The following GRID1 variants were observed in gnomAD, a reference collection of about 807,000 sequenced individuals.
GRID1 encodes the protein glutamate receptor ionotropic, delta-1.
In GRID1, 28 loss-of-function variants were observed where a neutral mutation model predicts 98.0. The ratio of observed to expected loss-of-function variants is 0.29; its 90% confidence interval spans 0.21 to 0.39. The LOEUF (loss-of-function observed/expected upper bound fraction) is 0.39. Ranked by LOEUF, GRID1 falls within the 10% of genes least tolerant of loss-of-function variation. The pLI is 1.00. For synonymous variants in GRID1, 553 were observed against 538.5 expected (o/e 1.03, Z -0.37); for missense variants, 1,111 against 1,340.5 (o/e 0.83, Z 2.67).
intron 14 of GRID1, among the ~76,000 whole-genome samples, chr10:85,617,303 G>C (rs188073381): frequency 6.7e-6 from 1 of 150,026 alleles, no homozygotes; most frequent in African/African-American, 2.5e-5. Flanking sequence ...CATGATCTCA[G>C]CTCACTGCAA....
At chr10:86,084,459 T>C (rs980718350) in intron 4 of GRID1, among the ~76,000 whole-genome samples, 1 of 152,202 alleles carries the variant, frequency 6.6e-6, no homozygotes, top group Non-Finnish European at 1.5e-5. Context: ...AAAATTCTGC[T>C]GTAGAAAACA....
chr10:85,893,790 A>G (rs1170688736), intron 5 of GRID1, among the ~76,000 whole-genome samples: 1 of 152,226 alleles, frequency 6.6e-6, no homozygotes, highest in Non-Finnish European at 1.5e-5. Flanking sequence ...TTAAGATGCC[A>G]ATTCAACACA....
intron 3 of GRID1, among the ~76,000 whole-genome samples, chr10:86,141,104 G>A (rs898911154): frequency 2.0e-5 from 3 of 152,076 alleles, no homozygotes; most frequent in Non-Finnish European, 4.4e-5. Context: ...ACAGGAAGGA[G>A]AGCCAGCCCC....
intron 8 of GRID1, among the ~76,000 whole-genome samples, chr10:85,771,254 T>C (rs1293259462): frequency 6.6e-6 from 1 of 152,096 alleles, no homozygotes; most frequent in African/African-American, 2.4e-5. Flanking sequence ...ATAAAATACT[T>C]TACAGACAAG....
chr10:85,827,106 G>C (rs1564602611), intron 8 of GRID1, among the ~76,000 whole-genome samples: 1 of 152,166 alleles, frequency 6.6e-6, no homozygotes, highest in African/African-American at 2.4e-5. Context: ...TGGTTCGCCA[G>C]CAATGGTTCT....
chr10:86,049,591 A>T (rs547718165), intron 4 of GRID1, among the ~76,000 whole-genome samples: 27 of 152,272 alleles, frequency 1.8e-4, no homozygotes, highest in African/African-American at 6.3e-4. Flanking sequence ...GCACTGAGAA[A>T]ATCCAGCCAT....
intron 4 of GRID1, among the ~76,000 whole-genome samples, chr10:85,935,640 TCATAGCCAATTG>T (rs1337055692): frequency 6.6e-6 from 1 of 152,154 alleles, no homozygotes; most frequent in Non-Finnish European, 1.5e-5. Flanking sequence ...ACACCAATCA[TCATAGCCAATTG>T]CATAGCAATT....
rs1435768056 is a variant in GRID1 at position 85,599,811 on chromosome 10, A to AAAAT, written c.*2461_*2462insATTT. ...TCTAAAAAAAAAAAAAAATATATAT[A>AAAAT]TATATATATAAACATGGTGAAGAAT... On this transcript the variant is annotated 3_prime_UTR_variant, in exon 16 of 16. Transcript: ENST00000327946. 7.6e-6 allele frequency: 1 copy of AAAAT among 130,998 alleles called. No homozygotes were observed. Among genetic ancestry groups the AAAAT allele is most frequent in the African/African-American group, 3.0e-5 (1 of 33,262 alleles). The allele number at this position is 130,998 out of a possible 1,614,324, so 8.1% of individuals were successfully genotyped here.
chr10:86,019,332 T>C (rs1040539967), intron 4 of GRID1, among the ~76,000 whole-genome samples: 1 of 152,182 alleles, frequency 6.6e-6, no homozygotes, highest in Non-Finnish European at 1.5e-5. Context: ...CTTGGTATGG[T>C]GGTGCTCCCC....
intron 8 of GRID1, among the ~76,000 whole-genome samples, chr10:85,739,785 G>A (rs1269743799): frequency 1.3e-5 from 2 of 152,132 alleles, no homozygotes; most frequent in South Asian, 2.1e-4. Context: ...CATGGTGTGT[G>A]GGGGGAAAAA....
rs1564629151 is a variant in GRID1 at position 85,930,121 on chromosome 10, AGTTATTTATAACTACAAATAACTTGCG to A, written c.727-13909_727-13883del. Among the ~76,000 whole-genome samples, 35 of 152,004 alleles carry A rather than the reference AGTTATTTATAACTACAAATAACTTGCG, an allele frequency of 2.3e-4. 2 individuals carry two copies. Among genetic ancestry groups the A allele is most frequent in the African/African-American group, 5.6e-4 (23 of 41,394 alleles). ...TGCATTAACAATTGCTCTGACTTGTAGTTATTTATAACTACAAATAACTTGCGGTTATTTATAACTACAAATAACTTG... is the reference window on the plus strand; with the variant it reads ...TGCATTAACAATTGCTCTGACTTGTAGTTATTTATAACTACAAATAACTTG... On this transcript the variant is annotated intron_variant, in intron 4 of 15. Coordinates refer to ENST00000327946, the MANE Select transcript of GRID1 (RefSeq NM_017551.3).
In GRID1 at chr10:85,724,607, G is replaced by T; in HGVS notation, c.1603C>A (p.Arg535=). 1.2e-6 allele frequency: 2 copies of T among 1,613,210 alleles called. No homozygotes were observed. Among genetic ancestry groups the T allele is most frequent in the Admixed American group, 3.3e-5 (2 of 60,018 alleles). The change falls in exon 11 of 16, where the codon CGG becomes AGG. Residue 535 remains arginine (R), a synonymous_variant. Coordinates refer to ENST00000327946, the MANE Select transcript of GRID1 (RefSeq NM_017551.3). ...ERESVVDFSK[R]YMDYSVGILI... is the part of the protein sequence containing the mutation. ...ATCCCCACTGAATAGTCCATGTACCGCTTGCTGAAGTCCACAACGCTCTCC... is the reference window on the plus strand; with the variant it reads ...ATCCCCACTGAATAGTCCATGTACCTCTTGCTGAAGTCCACAACGCTCTCC...
At chr10:85,718,366 T>C (rs912734786) in intron 12 of GRID1, among the ~76,000 whole-genome samples, 1 of 150,292 alleles carries the variant, frequency 6.7e-6, no homozygotes, top group African/African-American at 2.5e-5. Context: ...GATTTCCACA[T>C]ATGGAGTCCA....
intron 4 of GRID1, among the ~76,000 whole-genome samples, chr10:85,957,513 T>TC (rs1278986055): frequency 1.3e-5 from 2 of 149,182 alleles, no homozygotes; most frequent in Admixed American, 6.7e-5. Context: ...AATGGGATAA[T>TC]CCCCCCAGAC....
chr10:86,121,159 A>G (rs1844659225), intron 4 of GRID1, among the ~76,000 whole-genome samples: 1 of 152,168 alleles, frequency 6.6e-6, no homozygotes, highest in South Asian at 2.1e-4. Context: ...AGGGAGGGGA[A>G]GCTGAGCTGC....
chr10:86,304,337 C>T (rs1847730532), intron 2 of GRID1, among the ~76,000 whole-genome samples: 1 of 152,240 alleles, frequency 6.6e-6, no homozygotes, highest in African/African-American at 2.4e-5. Context: ...GACTCCTCCT[C>T]TTCCTGCCCC....
At chr10:85,680,026 G>A (rs80340914) in intron 12 of GRID1, among the ~76,000 whole-genome samples, 251 of 152,230 alleles carry the variant, frequency 1.6e-3, no homozygotes, top group African/African-American at 5.1e-3. Flanking sequence ...ACAGTCCCAC[G>A]TCAGGCCTAT....
At chr10:85,955,403 C>A (rs372805279) in intron 4 of GRID1, among the ~76,000 whole-genome samples, 41 of 152,190 alleles carry the variant, frequency 2.7e-4, no homozygotes, top group African/African-American at 8.4e-4. Flanking sequence ...AGAACCTGGA[C>A]GCAATGGCCT....
chr10:85,869,275 C>T (rs2131793453), intron 5 of GRID1, 95 bp from the exon 6 acceptor site: 3 of 1,106,156 alleles, frequency 2.7e-6, no homozygotes, highest in East Asian at 2.4e-5. Flanking sequence ...GCCTGAAAAG[C>T]TGATGCCAAA....
Sources: allele counts gnomAD v4.1 joint callset (sites outside exome capture counted in the v4.1 genomes callset), GRCh38; gene constraint gnomAD v4.1.1; transcripts MANE v1.5; gene names NCBI Gene and HGNC (gene_info 2026-07-23, HGNC 2026-07-21).